The following C16orf96 variants were observed in gnomAD, a reference collection of about 807,000 sequenced individuals.
C16orf96 encodes uncharacterized protein C16orf96.
Under a neutral mutation model 103.6 loss-of-function variants are expected in C16orf96, and 108 were observed. The observed-to-expected ratio is 1.04, with a 90% CI of 0.89 to 1.22. The LOEUF (loss-of-function observed/expected upper bound fraction) is 1.22, where lower values mean the gene tolerates loss of function less well. Ranked by LOEUF, C16orf96 falls within the 50% of genes most tolerant of loss-of-function variation. C16orf96 has a pLI of 0.00. For synonymous variants in C16orf96, 566 were observed against 593.5 expected, an observed-to-expected ratio of 0.95 and a Z score of 0.67; for missense variants, 1,586 against 1,464.2, an observed-to-expected ratio of 1.08 and a Z score of -1.36.
In C16orf96 at chr16:4,593,939, A is replaced by C. The variant is rs762141058; in HGVS notation, c.2868-412A>C. Among the ~76,000 whole-genome samples the C allele has an allele frequency of 3.3e-5, 5 of 151,952 alleles. No homozygotes were observed. Among genetic ancestry groups the C allele is most frequent in the Non-Finnish European group, 7.4e-5 (5 of 67,978 alleles). ...CTCCTGACATCCCACAGCTCTATGG[A>C]TCTCCCCAGCCTCCAACCCTGCTGT... On this transcript the variant is annotated intron_variant, in intron 12 of 15. Transcript: ENST00000444310. This position sits in a 1 kb window ranked among gnomAD's most constrained non-coding sequence, Gnocchi z 4.2.
At chr16:4,540,918 A>ATTTTTT in the C16orf96 span, among the ~76,000 whole-genome samples, 1 of 128,712 alleles carries the variant, frequency 7.8e-6, no homozygotes. Context: ...TGCAGTTTGG[A>ATTTTTT]TTTTTTTTTT....
the C16orf96 span, among the ~76,000 whole-genome samples, chr16:4,547,503 A>G: frequency 3.3e-5 from 5 of 152,188 alleles, no homozygotes; most frequent in African/African-American, 1.2e-4. Flanking sequence ...ACAGAAAGTC[A>G]GAAAATAGAT....
intron 7 of C16orf96, among the ~76,000 whole-genome samples, chr16:4,581,408 T>G (rs1596530303): frequency 6.8e-6 from 1 of 147,264 alleles, no homozygotes; most frequent in Admixed American, 6.8e-5. Flanking sequence ...CTGAGGCGAG[T>G]GGATCACGAG....
At chr16:4,557,266 A>C (rs533299853) in intron 1 of C16orf96, among the ~76,000 whole-genome samples, 24 of 152,036 alleles carry the variant, frequency 1.6e-4, no homozygotes, top group Middle Eastern at 3.4e-3. Flanking sequence ...CACTGCGCCC[A>C]GCCTTCTCCT....
At chr16:4,584,287 A>T (rs1395865282) in intron 7 of C16orf96, among the ~76,000 whole-genome samples, 1 of 74,142 alleles carries the variant, frequency 1.3e-5, no homozygotes, top group Non-Finnish European at 3.9e-5. Context: ...TCCCAGGCTC[A>T]AGTGATCCTC....
Position 4,600,185 on chromosome 16 carries a change from G to C in C16orf96, c.3294G>C (p.Leu1098=), listed in dbSNP as rs1897254071. 3 of 1,551,108 alleles carry C rather than the reference G, an allele frequency of 1.9e-6. No individual in the cohort carries two copies. The highest frequency in any genetic ancestry group is 2.6e-6 in the Non-Finnish European group (3 of 1,146,872). The change falls in exon 16 of 16, where the codon CTG becomes CTC. Residue 1098 remains leucine, a synonymous_variant. Coordinates refer to ENST00000444310, the MANE Select transcript of C16orf96 (RefSeq NM_001145011.2). The stretch of plus-strand genomic sequence containing the variant: ...CTCGACCACCTTCCCTGCCACCTCT[G>C]CTGCTGCTGCCACCGCTGATTCCAT... The part of the protein sequence containing the change: ...MPARPPSLPP[L]LLLPPLIPSL...
chr16:4,572,349 G>A (rs1051111395), intron 2 of C16orf96, among the ~76,000 whole-genome samples: 5 of 134,472 alleles, frequency 3.7e-5, no homozygotes, highest in Admixed American at 8.7e-5. Flanking sequence ...GCCCAGGCTG[G>A]AGTGTAGTGG....
At chr16:4,568,616 T>A (rs1265986396) in intron 1 of C16orf96, among the ~76,000 whole-genome samples, 1 of 144,694 alleles carries the variant, frequency 6.9e-6, no homozygotes, top group African/African-American at 2.5e-5. Context: ...TTTTTCTTTT[T>A]CTTTTCTTTT....
the C16orf96 span, among the ~76,000 whole-genome samples, chr16:4,549,212 C>T: frequency 0.96 from 145,329 of 151,830 alleles, 69,909 homozygotes; most frequent in East Asian, 1. Flanking sequence ...CGGTGGCTCA[C>T]GCCTGTAATC....
intron 5 of C16orf96, among the ~76,000 whole-genome samples, chr16:4,576,995 G>A (rs1184175326): frequency 2.0e-5 from 3 of 151,866 alleles, no homozygotes; most frequent in Admixed American, 2.0e-4. Context: ...AGTTCAAGAT[G>A]AGCCTGACCA....
intron 2 of C16orf96, among the ~76,000 whole-genome samples, chr16:4,572,809 A>T (rs1202827959): frequency 6.6e-6 from 1 of 152,192 alleles, no homozygotes; most frequent in African/African-American, 2.4e-5. Context: ...TTCTGTAGCC[A>T]AAAACCATCA....
the C16orf96 span, among the ~76,000 whole-genome samples, chr16:4,541,953 T>A: frequency 6.6e-6 from 1 of 152,252 alleles, no homozygotes; most frequent in Admixed American, 6.5e-5. Flanking sequence ...GTTTGCTTAA[T>A]TCAGTGTTTG....
chr16:4,578,743 C>T (rs565341374), intron 5 of C16orf96, among the ~76,000 whole-genome samples, 197 bp from the exon 6 acceptor site: 4 of 152,028 alleles, frequency 2.6e-5, no homozygotes, highest in Admixed American at 6.6e-5. Context: ...GGTGACAGAG[C>T]GAGATTCCAT....
Position 4,588,157 on chromosome 16 carries a change from G to A in C16orf96, c.2428-10G>A. The A allele has an allele frequency of 6.5e-7, 1 of 1,549,578 alleles. No homozygotes were observed. Among genetic ancestry groups the A allele is most frequent in the Non-Finnish European group, 8.7e-7 (1 of 1,146,042 alleles). The stretch of plus-strand genomic sequence containing the variant: ...GCAGCCATGCCTCCCTGAACTCCCT[G>A]TCTCCCTAGAAAGCTGACAGGAGTG... On this transcript the variant is annotated splice_polypyrimidine_tract_variant and intron_variant, in intron 8 of 15. Transcript: ENST00000444310.
At chr16:4,578,029 G>A (rs540716975) in intron 5 of C16orf96, among the ~76,000 whole-genome samples, 1 of 152,176 alleles carries the variant, frequency 6.6e-6, no homozygotes, top group East Asian at 1.9e-4. Flanking sequence ...AAGATTGCTT[G>A]AGCCTAGCAG....
At chr16:4,547,634 T>G in the C16orf96 span, among the ~76,000 whole-genome samples, 58 of 146,706 alleles carry the variant, frequency 4.0e-4, no homozygotes, top group Non-Finnish European at 6.4e-4. Flanking sequence ...TTCTCTTTCT[T>G]TCTGTCTTTC....
At chr16:4,559,148 T>A (rs1453174795) in intron 1 of C16orf96, among the ~76,000 whole-genome samples, 1 of 152,210 alleles carries the variant, frequency 6.6e-6, no homozygotes, top group African/African-American at 2.4e-5. Flanking sequence ...CCTAGTCCTC[T>A]CTGAGCCAGA....
At chr16:4,557,776 C>A (rs1271696193) in intron 1 of C16orf96, among the ~76,000 whole-genome samples, 1 of 151,996 alleles carries the variant, frequency 6.6e-6, no homozygotes, top group Non-Finnish European at 1.5e-5. Context: ...CTCAAGCAAT[C>A]CTCCCACCTC....
In C16orf96 at chr16:4,593,313, T is replaced by C. The variant is rs751688024; in HGVS notation, c.2864T>C (p.Met955Thr). Residue 955 changes from methionine to threonine, a missense_variant, in exon 12 of 16, where the codon ATG becomes ACG. Met to Thr is a moderately conservative substitution (Grantham distance 81, BLOSUM62 -1). Coordinates refer to ENST00000444310, the MANE Select transcript of C16orf96 (RefSeq NM_001145011.2). This position sits in a 1 kb window ranked among gnomAD's most constrained non-coding sequence, Gnocchi z 4.2. ...TGCGAGTACTTGCAGCGGCAACAGA[T>C]GAGGTGAGCAGGATGGGCGCCCCGC... ...NSCEYLQRQQ[M>T]REQQWLQLQD... The C allele has an allele frequency of 2.0e-5, 31 of 1,550,210 alleles. 1 individual carries two copies. The South Asian group carries it at 2.1e-4, about 11-fold the overall frequency.
Sources: allele counts gnomAD v4.1 joint callset (sites outside exome capture counted in the v4.1 genomes callset), GRCh38; gene constraint gnomAD v4.1.1; non-coding constraint Gnocchi (gnomAD v3.1); transcripts MANE v1.5; gene names NCBI Gene and HGNC (gene_info 2026-07-23, HGNC 2026-07-21).